ZFHX3: variants seen among roughly 807,000 people sequenced by gnomAD.
ZFHX3 encodes zinc finger homeobox protein 3.
ZFHX3 carries 42 observed loss-of-function variants against 279.1 expected under a neutral mutation model. That is an observed-to-expected ratio of 0.15 (90% CI 0.12 to 0.19). ZFHX3 has a LOEUF of 0.19. Among genes scored for constraint, ZFHX3 ranks in the 10% least tolerant of loss-of-function variants. The pLI, the probability that ZFHX3 is intolerant of heterozygous loss-of-function variation, is 1.00. For synonymous variants in ZFHX3, 2,293 were observed against 1,957.8 expected (o/e 1.17, Z -4.52); for missense variants, 4,981 against 4,754.0 (o/e 1.05, Z -1.40).
chr16:73,249,273 C>A (rs182025456), intron 5 of ZFHX3, among the ~76,000 whole-genome samples: 119 of 152,234 alleles, frequency 7.8e-4, no homozygotes, highest in African/African-American at 2.8e-3. Context: ...AAGAGGCTAT[C>A]AAAATAATTC....
chr16:73,592,491 TA>T (rs1597016479), intron 2 of ZFHX3, among the ~76,000 whole-genome samples: 2 of 152,064 alleles, frequency 1.3e-5, no homozygotes, highest in African/African-American at 4.8e-5. Flanking sequence ...AAATAAAGTA[TA>T]AAAAATAAAA....
intron 4 of ZFHX3, among the ~76,000 whole-genome samples, chr16:72,853,822 AAG>A (rs1291524674): frequency 6.6e-6 from 1 of 152,138 alleles, no homozygotes; most frequent in Admixed American, 6.6e-5. Context: ...AAGAAATCCA[AAG>A]AGAGGAAGCA....
rs186752049 is a variant in ZFHX3, at chr16:73,294,070, G to A, written c.-1194+24170C>T. The A allele has an allele frequency of 1.8e-4, 26 of 147,974 alleles. No homozygotes were observed. In the East Asian group the frequency reaches 3.0e-3, roughly 17 times the overall value. 9.2% of individuals were successfully genotyped at this position (147,974 alleles called of 1,614,324 possible). A position where few individuals can be genotyped will look rare whatever the true frequency, so the allele number is the denominator to read the frequency against. On this transcript the variant is annotated intron_variant, in intron 4 of 17. Coordinates refer to the ZFHX3 transcript ENST00000641206. ...TCTAGTTTCTGGAAAAGTTATTCTC[G>A]CTGTAAATTAATACATTTATAGTTC...
chr16:73,748,752 T>C (rs1191318880), intron 1 of ZFHX3, among the ~76,000 whole-genome samples: 1 of 152,204 alleles, frequency 6.6e-6, no homozygotes, highest in Non-Finnish European at 1.5e-5. Context: ...CTAGTATAAA[T>C]GGCATGCATA....
At chr16:73,086,549 GT>G (rs1394072120) in intron 8 of ZFHX3, among the ~76,000 whole-genome samples, 1 of 152,236 alleles carries the variant, frequency 6.6e-6, no homozygotes, top group East Asian at 1.9e-4. Flanking sequence ...ATTAAATCCT[GT>G]CATTTGAAGC....
Position 72,787,722 on chromosome 16 carries a change from G to GCCGCCGCCGCCGCCACTGCCA in ZFHX3, c.10533_10553dup (p.Ser3513_Gly3519dup), listed in dbSNP as rs776295944. The GCCGCCGCCGCCGCCACTGCCA allele has an allele frequency of 9.8e-6, 12 of 1,229,776 alleles. No individual in the cohort carries two copies. The highest frequency in any genetic ancestry group is 1.2e-5 in the Non-Finnish European group (12 of 977,452). The allele number at this position is 1,229,776 out of a possible 1,614,324, so 76.2% of individuals were successfully genotyped here. A position where few individuals can be genotyped will look rare whatever the true frequency, so the allele number is the denominator to read the frequency against. On this transcript the variant is annotated inframe_insertion, in exon 10 of 10. Coordinates refer to ENST00000268489, the MANE Select transcript of ZFHX3 (RefSeq NM_006885.4). ...CGCCGCCGCCGCCGCCGCCGCCACC[G>GCCGCCGCCGCCGCCACTGCCA]CCGCCGCCGCCGCCACTGCCACCGC...
chr16:73,340,725 T>C (rs553708507), intron 3 of ZFHX3, among the ~76,000 whole-genome samples: 1 of 152,234 alleles, frequency 6.6e-6, no homozygotes, highest in Non-Finnish European at 1.5e-5. Flanking sequence ...AGTTTTTTGA[T>C]ATAGTTAGTA....
Position 73,804,699 on chromosome 16 carries a change from C to T in ZFHX3, c.-1608+86952G>A, listed in dbSNP as rs190054147. On this transcript the variant is annotated intron_variant, in intron 1 of 17. Transcript: ENST00000641206. ...ATGTGGATCTTGCACAATGCCTGGACCCACCTGGGAGAAATGCAGCTGCTT... is the reference window on the plus strand; with the variant it reads ...ATGTGGATCTTGCACAATGCCTGGATCCACCTGGGAGAAATGCAGCTGCTT... Among the ~76,000 whole-genome samples the T allele has an allele frequency of 7.0e-3, 1,065 of 152,104 alleles. 11 individuals carry two copies. Among genetic ancestry groups the T allele is most frequent in the African/African-American group, 0.024 (1,000 of 41,492 alleles).
chr16:73,278,107 G>T (rs11149844), intron 4 of ZFHX3, among the ~76,000 whole-genome samples: 97,294 of 152,006 alleles, frequency 0.64, 31,425 homozygotes, highest in East Asian at 0.84. Flanking sequence ...CTATTTAAAT[G>T]TTTGTGTCCA....
chr16:73,510,290 A>G (rs1236240003), intron 2 of ZFHX3, among the ~76,000 whole-genome samples: 1 of 151,948 alleles, frequency 6.6e-6, no homozygotes, highest in Non-Finnish European at 1.5e-5. Context: ...AGAATTTTAC[A>G]TTTCTCCATC....
At position 72,834,679 on chromosome 16, in the gene ZFHX3, G is replaced by A. The variant is rs150253847; in HGVS notation, c.3449-4820C>T. On this transcript the variant is annotated intron_variant, in intron 4 of 9. Transcript: ENST00000268489. Reference sequence around the variant, plus strand: ...TTATGAACAACCTGGAAATTGGTTCGCGAAAGCAGCACCAGGCAGAAGCCA... The same window carrying A: ...TTATGAACAACCTGGAAATTGGTTCACGAAAGCAGCACCAGGCAGAAGCCA... 3.0e-3 allele frequency among the ~76,000 whole-genome samples: 461 copies of A among 152,108 alleles called. 5 individuals carry two copies. The highest frequency in any genetic ancestry group is 0.011 in the African/African-American group (439 of 41,458).
chr16:73,245,119 A>C (rs1426362927), intron 5 of ZFHX3, among the ~76,000 whole-genome samples: 1 of 152,070 alleles, frequency 6.6e-6, no homozygotes, highest in Non-Finnish European at 1.5e-5. Flanking sequence ...CTAATTTAGA[A>C]CCTTGCGCTT....
intron 2 of ZFHX3, among the ~76,000 whole-genome samples, chr16:73,570,993 C>T (rs964794703): frequency 2.7e-5 from 4 of 150,834 alleles, no homozygotes; most frequent in African/African-American, 9.7e-5. Flanking sequence ...AGACATCATT[C>T]CTCCTTAATT....
chr16:72,941,020 T>C (rs1960386800), intron 3 of ZFHX3, among the ~76,000 whole-genome samples: 1 of 152,218 alleles, frequency 6.6e-6, no homozygotes. Flanking sequence ...TTTCATGGTC[T>C]ACATATAAGT....
intron 1 of ZFHX3, among the ~76,000 whole-genome samples, chr16:72,976,441 T>A (rs1962350726): frequency 6.6e-6 from 1 of 152,226 alleles, no homozygotes; most frequent in African/African-American, 2.4e-5. Context: ...CTTATCCAAC[T>A]ACTCACTGGT....
rs563321634 is a variant in ZFHX3 at position 72,894,560 on chromosome 16, G to A, written c.3217-4598C>T. 1.6e-4 allele frequency among the ~76,000 whole-genome samples: 24 copies of A among 152,270 alleles called. 1 individual carries two copies. The South Asian group carries it at 4.4e-3, about 28-fold the overall frequency. On this transcript the variant is annotated intron_variant, in intron 3 of 9. Transcript: ENST00000268489. ...CTAAGAGGCCCATGAGCACTCCACG[G>A]GGCCAGTCAGTCAGCCAAGAACATG...
At chr16:73,726,089 T>C (rs1177494106) in intron 1 of ZFHX3, among the ~76,000 whole-genome samples, 2 of 152,094 alleles carry the variant, frequency 1.3e-5, no homozygotes, top group Non-Finnish European at 2.9e-5. Context: ...GGAATACAAA[T>C]AGACTAATGA....
chr16:73,308,272 TA>T (rs2015239360), intron 4 of ZFHX3, among the ~76,000 whole-genome samples: 20 of 39,306 alleles, frequency 5.1e-4, no homozygotes, highest in East Asian at 2.9e-3. Flanking sequence ...TATATATATA[TA>T]TATATTTATT....
chr16:72,840,225 G>A (rs1204916903), intron 4 of ZFHX3, among the ~76,000 whole-genome samples: 1 of 152,160 alleles, frequency 6.6e-6, no homozygotes, highest in African/African-American at 2.4e-5. Context: ...GTGTACTTAA[G>A]CATCTATATA....
Sources: gnomAD v4.1 joint callset for allele counts (sites outside exome capture counted in the v4.1 genomes callset) on GRCh38, gnomAD v4.1.1 for gene constraint, MANE v1.5 for transcripts, NCBI Gene and HGNC (gene_info 2026-07-23, HGNC 2026-07-21) for gene names.